Variants in AKAP19 observed in about 807,000 individuals in gnomAD.
The protein encoded by AKAP19 is small A-kinase anchoring protein.
the AKAP19 span, among the ~76,000 whole-genome samples, chr2:190,021,605 C>G: frequency 6.6e-6 from 1 of 152,310 alleles, no homozygotes; most frequent in African/African-American, 2.4e-5. Flanking sequence ...TGAGCTGAGC[C>G]CATGCTTTTC....
the AKAP19 span, among the ~76,000 whole-genome samples, chr2:190,110,334 C>T: frequency 1.3e-5 from 2 of 152,258 alleles, no homozygotes; most frequent in Admixed American, 1.3e-4. Flanking sequence ...AACTGCCAAG[C>T]CTCCCCATTG....
chr2:189,968,725 C>T, the AKAP19 span, among the ~76,000 whole-genome samples: 2 of 152,052 alleles, frequency 1.3e-5, no homozygotes, highest in South Asian at 4.1e-4. Flanking sequence ...TAAGCCCCCA[C>T]TCCAAAATGT....
the AKAP19 span, among the ~76,000 whole-genome samples, chr2:190,142,485 T>G: frequency 6.6e-6 from 1 of 152,188 alleles, no homozygotes; most frequent in Non-Finnish European, 1.5e-5. Context: ...CACCACTCTT[T>G]GATTAGCTCA....
the AKAP19 span, among the ~76,000 whole-genome samples, chr2:189,892,262 GT>G: frequency 6.6e-6 from 1 of 152,068 alleles, no homozygotes; most frequent in Non-Finnish European, 1.5e-5. Flanking sequence ...TATCTGTCCA[GT>G]TTTGTTCCCT....
At chr2:190,019,711 A>T in the AKAP19 span, among the ~76,000 whole-genome samples, 3 of 151,826 alleles carry the variant, frequency 2.0e-5, no homozygotes, top group Non-Finnish European at 2.9e-5. Context: ...TACTTTGACA[A>T]CTGGATATTT....
the AKAP19 span, chr2:190,199,888 T>G: frequency 6.2e-7 from 1 of 1,613,842 alleles, no homozygotes; most frequent in Admixed American, 1.7e-5. Flanking sequence ...AAAGCAAACT[T>G]TCCCATTTCC....
At chr2:190,104,614 A>G in the AKAP19 span, among the ~76,000 whole-genome samples, 1 of 152,158 alleles carries the variant, frequency 6.6e-6, no homozygotes, top group South Asian at 2.1e-4. Flanking sequence ...ACATGGCAAG[A>G]CCCCTTCTCA....
chr2:189,973,056 G>C, the AKAP19 span, among the ~76,000 whole-genome samples: 2 of 152,278 alleles, frequency 1.3e-5, no homozygotes, highest in East Asian at 3.9e-4. Context: ...TCCCTGTCTT[G>C]TGCTAGTTTT....
chr2:190,105,730 G>T, the AKAP19 span, among the ~76,000 whole-genome samples: 1 of 152,198 alleles, frequency 6.6e-6, no homozygotes, highest in South Asian at 2.1e-4. Context: ...TCAGCCCTCA[G>T]GGCTTCCTGG....
At chr2:189,988,938 G>A in the AKAP19 span, among the ~76,000 whole-genome samples, 11 of 152,258 alleles carry the variant, frequency 7.2e-5, no homozygotes, top group South Asian at 2.3e-3. Flanking sequence ...TATAGACAAG[G>A]CAGCAGTCTA....
the AKAP19 span, among the ~76,000 whole-genome samples, chr2:189,994,578 ATTATTATTATTATTG>A: frequency 2.0e-4 from 30 of 151,536 alleles, no homozygotes; most frequent in South Asian, 8.4e-4. Context: ...TCTGGAGCAG[ATTATTATTATTATTG>A]TTATTATTAT....
the AKAP19 span, among the ~76,000 whole-genome samples, chr2:190,164,284 C>T: frequency 6.6e-6 from 1 of 152,168 alleles, no homozygotes; most frequent in Non-Finnish European, 1.5e-5. Context: ...CCTGTTATCC[C>T]AGCACTTTGA....
At chr2:189,938,749 T>G in the AKAP19 span, among the ~76,000 whole-genome samples, 2 of 152,210 alleles carry the variant, frequency 1.3e-5, no homozygotes. Flanking sequence ...GATAAATGCT[T>G]GGGGGAATGG....
chr2:190,095,803 T>A, the AKAP19 span, among the ~76,000 whole-genome samples: 1 of 152,196 alleles, frequency 6.6e-6, no homozygotes, highest in Non-Finnish European at 1.5e-5. Context: ...TCACAATAAT[T>A]TGACTTTATG....
At chr2:189,938,848 C>A in the AKAP19 span, among the ~76,000 whole-genome samples, 2 of 152,056 alleles carry the variant, frequency 1.3e-5, no homozygotes, top group African/African-American at 4.8e-5. Flanking sequence ...TATCTACCCA[C>A]AAAAATTAAA....
the AKAP19 span, among the ~76,000 whole-genome samples, chr2:190,002,680 A>T: frequency 6.6e-6 from 1 of 152,168 alleles, no homozygotes; most frequent in East Asian, 1.9e-4. Flanking sequence ...GCTTTTCTTA[A>T]AACGCCTAAC....
the AKAP19 span, among the ~76,000 whole-genome samples, chr2:190,119,616 G>A: frequency 4.1e-3 from 625 of 152,316 alleles, no homozygotes; most frequent in African/African-American, 0.015. Flanking sequence ...AAGGTTGCCA[G>A]CTAGGGTGTA....
At chr2:189,937,452 CAA>C in the AKAP19 span, among the ~76,000 whole-genome samples, 15 of 113,310 alleles carry the variant, frequency 1.3e-4, no homozygotes, top group Admixed American at 2.6e-4. Flanking sequence ...AAACCACAAA[CAA>C]GAGAGCACCG....
At chr2:189,974,647 G>A in the AKAP19 span, among the ~76,000 whole-genome samples, 3 of 152,164 alleles carry the variant, frequency 2.0e-5, no homozygotes, top group African/African-American at 7.2e-5. Context: ...CTAAGGACTT[G>A]CTTTATGAAT....
Sources: gnomAD v4.1 joint callset for allele counts (sites outside exome capture counted in the v4.1 genomes callset) on GRCh38, gnomAD v4.1.1 for gene constraint, MANE v1.5 for transcripts, NCBI Gene and HGNC (gene_info 2026-07-23, HGNC 2026-07-21) for gene names.